Variants in MYO1E observed in about 807,000 individuals in gnomAD.
MYO1E encodes myosin IE, also known as unconventional myosin-Ie.
A neutral mutation model predicts 151.1 loss-of-function variants in MYO1E; 68 were observed. The observed-to-expected ratio is 0.45, with a 90% CI of 0.37 to 0.55. The LOEUF is 0.55. Among genes scored for constraint, MYO1E ranks in the 20% least tolerant of loss-of-function variants. The pLI is 0.00. For missense variants in MYO1E, 1,363 were observed against 1,389.3 expected (o/e 0.98, Z 0.30); for synonymous variants, 601 against 501.7 (o/e 1.20, Z -2.64).
chr15:59,237,927 T>C lies in MYO1E; in HGVS notation c.333-1255A>G, dbSNP rs1308025580. Among the ~76,000 whole-genome samples, 3 of 152,196 alleles carry C rather than the reference T, an allele frequency of 2.0e-5. No homozygotes were observed. The East Asian group carries it at 5.8e-4, about 29-fold the overall frequency. On this transcript the variant is annotated intron_variant, in intron 4 of 27. Coordinates refer to ENST00000288235, the MANE Select transcript of MYO1E (RefSeq NM_004998.4). ...ATTTCCTTGAACTAATAATACGGTTTTAAAGAAATTATGGGGAGGCGGGAA... is the reference window on the plus strand; with the variant it reads ...ATTTCCTTGAACTAATAATACGGTTCTAAAGAAATTATGGGGAGGCGGGAA...
At chr15:59,168,966 A>C (rs943487132) in intron 22 of MYO1E, among the ~76,000 whole-genome samples, 2 of 152,202 alleles carry the variant, frequency 1.3e-5, no homozygotes, top group Non-Finnish European at 1.5e-5. Context: ...TTAAAAGATA[A>C]AGTCTCTTTA....
intron 1 of MYO1E, among the ~76,000 whole-genome samples, chr15:59,326,702 T>C (rs1202294462): frequency 6.6e-6 from 1 of 152,252 alleles, no homozygotes; most frequent in African/African-American, 2.4e-5. Flanking sequence ...TTTTTGTCTA[T>C]GAACCTTGCT....
rs569883509 is a variant in MYO1E, at chr15:59,174,794, C to T, written c.2050-554G>A. On this transcript the variant is annotated intron_variant, in intron 19 of 27. Transcript: ENST00000288235. ...AATCTCAGGATTCACCAAGGACCAG[C>T]GGAGCAGAGGATAATAACCACAGTG... 7.2e-5 allele frequency among the ~76,000 whole-genome samples: 11 copies of T among 152,072 alleles called. No homozygotes were observed. In the East Asian group the frequency reaches 7.8e-4, roughly 11 times the overall value.
chr15:59,320,106 C>G (rs1205398916), intron 1 of MYO1E, among the ~76,000 whole-genome samples: 1 of 152,100 alleles, frequency 6.6e-6, no homozygotes, highest in East Asian at 1.9e-4. Flanking sequence ...CTTAGGAATA[C>G]ATCTAACCAA....
At chr15:59,244,426 C>A (rs1481494617) in intron 4 of MYO1E, among the ~76,000 whole-genome samples, 1 of 152,222 alleles carries the variant, frequency 6.6e-6, no homozygotes, top group Non-Finnish European at 1.5e-5. Flanking sequence ...TTCCTCATTA[C>A]ACTTTCTTTA....
chr15:59,143,977 C>T (rs1339251591), intron 26 of MYO1E, among the ~76,000 whole-genome samples: 1 of 152,142 alleles, frequency 6.6e-6, no homozygotes, highest in Admixed American at 6.6e-5. Flanking sequence ...ATGACAGTGA[C>T]TTGTGTGGCT....
At chr15:59,219,896 A>C (rs572924181) in intron 9 of MYO1E, among the ~76,000 whole-genome samples, 1 of 152,372 alleles carries the variant, frequency 6.6e-6, no homozygotes, top group Non-Finnish European at 1.5e-5. Flanking sequence ...TCACAGAAGA[A>C]CTAAACAGAA....
Position 59,371,828 on chromosome 15 carries a change from G to C in MYO1E, c.3+670C>G, listed in dbSNP as rs1596447866. On this transcript the variant is annotated intron_variant, in intron 1 of 27. Transcript: ENST00000288235. ...CCGGCGCCCGGCACAGGTCCGGGGC[G>C]GCGTGGTTGCCGCCCGCGCCCGAGT... Among the ~76,000 whole-genome samples, 7 of 151,622 alleles carry C rather than the reference G, an allele frequency of 4.6e-5. No individual in the cohort carries two copies. The East Asian group carries it at 1.4e-3, about 30-fold the overall frequency.
At chr15:59,214,745 G>A (rs779175491) in intron 10 of MYO1E, 25 bp from the exon 11 acceptor site, 2 of 1,570,162 alleles carry the variant, frequency 1.3e-6, no homozygotes, top group Non-Finnish European at 1.8e-6. Flanking sequence ...CAGCATGGCA[G>A]TGAACTCCTT....
At chr15:59,163,089 T>A in intron 23 of MYO1E, 68 bp downstream of exon 23, 1 of 1,567,644 alleles carries the variant, frequency 6.4e-7, no homozygotes, top group Non-Finnish European at 8.7e-7. Context: ...CCATCCTGAA[T>A]CGCAGGGGTG....
In MYO1E at chr15:59,134,753, G is replaced by A. The variant is rs998567420; in HGVS notation, c.*2627C>T. On this transcript the variant is annotated 3_prime_UTR_variant, in exon 28 of 28. Coordinates refer to ENST00000288235, the MANE Select transcript of MYO1E (RefSeq NM_004998.4). ...ATTTCAAACAGGATGGCAAGTTCCA[G>A]AAGGTGGGGGTGGCCCCTTGATCTT... 3.3e-5 allele frequency: 5 copies of A among 152,262 alleles called. No homozygotes were observed. The highest frequency in any genetic ancestry group is 1.2e-4 in the African/African-American group (5 of 41,458). The allele number at this position is 152,262 out of a possible 1,614,324, so 9.4% of individuals were successfully genotyped here.
At position 59,161,063 on chromosome 15, in the gene MYO1E, G is replaced by A; in HGVS notation, c.2785+10C>T. 1.2e-6 allele frequency: 2 copies of A among 1,612,798 alleles called. No homozygotes were observed. Among genetic ancestry groups the A allele is most frequent in the Admixed American group, 1.7e-5 (1 of 60,014 alleles). ...GGCAGTTCTGCCTGCAGGGCCCGTG[G>A]AGCACTTACGGGAGTTCTTGGGCAG... On this transcript the variant is annotated intron_variant, in intron 24 of 27. Coordinates refer to ENST00000288235, the MANE Select transcript of MYO1E (RefSeq NM_004998.4).
chr15:59,165,177 C>T (rs10519000), intron 22 of MYO1E, among the ~76,000 whole-genome samples: 2,545 of 152,124 alleles, frequency 0.017, 71 homozygotes, highest in African/African-American at 0.058. Context: ...CTTGGTAATC[C>T]ACAGGAGAAA....
At chr15:59,215,061 A>G (rs777352195) in intron 10 of MYO1E, among the ~76,000 whole-genome samples, 1 of 152,208 alleles carries the variant, frequency 6.6e-6, no homozygotes, top group Admixed American at 6.5e-5. Context: ...CCTATTTCAC[A>G]CAAAGAACCC....
At chr15:59,284,720 C>T (rs1165820258) in intron 1 of MYO1E, among the ~76,000 whole-genome samples, 1 of 151,910 alleles carries the variant, frequency 6.6e-6, no homozygotes, top group Non-Finnish European at 1.5e-5. Context: ...AGCAATCCTC[C>T]TGCCTCAGCC....
At chr15:59,162,306 G>A (rs2079542145) in intron 23 of MYO1E, among the ~76,000 whole-genome samples, 1 of 152,130 alleles carries the variant, frequency 6.6e-6, no homozygotes, top group Non-Finnish European at 1.5e-5. Context: ...AGGGTCAACA[G>A]TATGCCAGCC....
At position 59,132,586 on chromosome 15, in the gene MYO1E, G is replaced by A. The variant is rs1214569119; in HGVS notation, c.*4794C>T. 1 of 152,178 alleles carries A rather than the reference G, an allele frequency of 6.6e-6. No homozygotes were observed. The highest frequency in any genetic ancestry group is 1.5e-5 in the Non-Finnish European group (1 of 68,038). 9.4% of individuals were successfully genotyped at this position (152,178 alleles called of 1,614,324 possible). On this transcript the variant is annotated 3_prime_UTR_variant, in exon 28 of 28. Transcript: ENST00000288235. ...AAAATGTCATAAATGGGAAATGAGT[G>A]GCAGAAGTAGAAACCATATCATAAA...
chr15:59,152,085 T>G (rs1253945905), intron 26 of MYO1E, among the ~76,000 whole-genome samples: 10 of 148,466 alleles, frequency 6.7e-5, no homozygotes, highest in African/African-American at 2.5e-4. Context: ...AAAAATTAGC[T>G]GGGTGTGGTG....
At chr15:59,298,477 T>C (rs964772963) in intron 1 of MYO1E, among the ~76,000 whole-genome samples, 7 of 152,180 alleles carry the variant, frequency 4.6e-5, no homozygotes, top group Non-Finnish European at 1.0e-4. Context: ...GTCAAGGTGA[T>C]TCTTAATGGC....
Sources: allele counts gnomAD v4.1 joint callset (sites outside exome capture counted in the v4.1 genomes callset), GRCh38; gene constraint gnomAD v4.1.1; transcripts MANE v1.5; gene names NCBI Gene and HGNC (gene_info 2026-07-23, HGNC 2026-07-21).